Variants in RANBP3 observed in about 807,000 individuals in gnomAD.
RANBP3 encodes RAN binding protein 3.
Under a neutral mutation model 77.3 loss-of-function variants are expected in RANBP3, and 14 were observed. The ratio of observed to expected loss-of-function variants is 0.18; its 90% confidence interval spans 0.12 to 0.28. The LOEUF is 0.28. RANBP3 is among the 10% of genes least tolerant of loss of function. The pLI is 1.00. For missense variants in RANBP3, 586 were observed against 752.3 expected (o/e 0.78, Z 2.59); for synonymous variants, 315 against 312.4 (o/e 1.01, Z -0.09).
chr19:5,938,520 G>A (rs187884882), intron 5 of RANBP3, among the ~76,000 whole-genome samples: 17 of 151,574 alleles, frequency 1.1e-4, no homozygotes, highest in Admixed American at 3.9e-4. Context: ...TGAAACCCTC[G>A]TCTCTACTAA....
chr19:5,930,818 C>T (rs946678710), intron 8 of RANBP3, among the ~76,000 whole-genome samples: 3 of 152,168 alleles, frequency 2.0e-5, no homozygotes, highest in East Asian at 1.9e-4. Flanking sequence ...ATCCACCTGC[C>T]GCGGCCTCCC....
At chr19:5,939,733 C>T (rs2058110466) in intron 5 of RANBP3, among the ~76,000 whole-genome samples, 1 of 144,914 alleles carries the variant, frequency 6.9e-6, no homozygotes, top group Non-Finnish European at 1.5e-5. Context: ...ACAGGGCATT[C>T]AGTCTTTCCC....
rs1025421121 is a variant in RANBP3 at position 5,952,145 on chromosome 19, G to C, written c.79-549C>G. ...ACAGTTCTTCTAGCACTTTCCATTTGTTCTGCTTACACCCAGGATCCAGAA... is the reference window on the plus strand; with the variant it reads ...ACAGTTCTTCTAGCACTTTCCATTTCTTCTGCTTACACCCAGGATCCAGAA... On this transcript the variant is annotated intron_variant, in intron 2 of 16. Transcript: ENST00000340578. This position sits in a 1 kb window ranked among gnomAD's most constrained non-coding sequence, Gnocchi z 4.1. Among the ~76,000 whole-genome samples, 4 of 152,148 alleles carry C rather than the reference G, an allele frequency of 2.6e-5. No individual in the cohort carries two copies. The highest frequency in any genetic ancestry group is 9.7e-5 in the African/African-American group (4 of 41,426).
intron 14 of RANBP3, 44 bp from the exon 15 acceptor site, chr19:5,918,682 C>T (rs1389527597): frequency 1.3e-6 from 2 of 1,598,790 alleles, no homozygotes; most frequent in Non-Finnish European, 1.7e-6. Context: ...CACACCGGCC[C>T]CCTCACAAAC....
chr19:5,935,270 G>A (rs929272445), intron 5 of RANBP3, among the ~76,000 whole-genome samples: 2 of 152,200 alleles, frequency 1.3e-5, no homozygotes, highest in Non-Finnish European at 2.9e-5. Flanking sequence ...AGTTGTATGA[G>A]GGAGTCCAGC....
chr19:5,958,473 G>A lies in RANBP3; in HGVS notation c.23-500C>T, dbSNP rs1353136225. 6.6e-6 allele frequency among the ~76,000 whole-genome samples: 1 copy of A among 152,254 alleles called. No homozygotes were observed. The highest frequency in any genetic ancestry group is 1.5e-5 in the Non-Finnish European group (1 of 68,036). ...CAACCTGGATCTCTAAGTGAGTGCTGGTTGGGAGGAAAGGATGTCTGGAGT... is the reference window on the plus strand; with the variant it reads ...CAACCTGGATCTCTAAGTGAGTGCTAGTTGGGAGGAAAGGATGTCTGGAGT... On this transcript the variant is annotated intron_variant, in intron 1 of 16. Transcript: ENST00000340578. The surrounding 1 kb of genome is among the most constrained non-coding windows in gnomAD (Gnocchi z 4.4).
At chr19:5,939,496 G>A (rs899346332) in intron 5 of RANBP3, among the ~76,000 whole-genome samples, 1 of 152,254 alleles carries the variant, frequency 6.6e-6, no homozygotes, top group African/African-American at 2.4e-5. Context: ...GGAAGGCAGA[G>A]GGGCCGGGGC....
At chr19:5,966,522 C>T (rs887247410) in intron 1 of RANBP3, among the ~76,000 whole-genome samples, 9 of 152,226 alleles carry the variant, frequency 5.9e-5, no homozygotes, top group South Asian at 2.1e-4. Flanking sequence ...CTCTCGCCTC[C>T]GCCTCTCTCC....
At chr19:5,963,715 G>A (rs1482734122) in intron 1 of RANBP3, among the ~76,000 whole-genome samples, 2 of 152,172 alleles carry the variant, frequency 1.3e-5, no homozygotes, top group Admixed American at 6.5e-5. Context: ...GAGATTCTGA[G>A]CCCCTCTTCC....
At chr19:5,931,595 T>C (rs1030880366) in intron 7 of RANBP3, 64 bp from the exon 8 acceptor site, 2 of 1,545,996 alleles carry the variant, frequency 1.3e-6, no homozygotes, top group Non-Finnish European at 1.8e-6. Context: ...CCCACTCACA[T>C]AGCTGAGGGG....
At chr19:5,923,344 C>A (rs577600549) in intron 12 of RANBP3, 41 bp from the exon 13 acceptor site, 1 of 1,583,672 alleles carries the variant, frequency 6.3e-7, no homozygotes, top group East Asian at 2.2e-5. Context: ...GATTATTTGG[C>A]GAGAGGAGAG....
At chr19:5,933,372 G>A (rs1189863868) in intron 6 of RANBP3, 42 bp downstream of exon 6, 46 of 1,552,806 alleles carry the variant, frequency 3.0e-5, no homozygotes, top group Non-Finnish European at 3.8e-5. Context: ...TCTGAAAAAC[G>A]TCAGAGAGCC....
intron 1 of RANBP3, among the ~76,000 whole-genome samples, chr19:5,966,657 AG>A (rs1339082289): frequency 6.6e-6 from 1 of 152,248 alleles, no homozygotes; most frequent in Non-Finnish European, 1.5e-5. Context: ...CCTGTCATGG[AG>A]GATCTCCCGC....
At chr19:5,969,736 G>A (rs1400638805) in intron 1 of RANBP3, among the ~76,000 whole-genome samples, 1 of 152,236 alleles carries the variant, frequency 6.6e-6, no homozygotes, top group African/African-American at 2.4e-5. Context: ...CAGCCCCTGT[G>A]AAATGGTGCA....
rs528368186 is a variant in RANBP3, at chr19:5,959,769, G to A, written c.23-1796C>T. On this transcript the variant is annotated intron_variant, in intron 1 of 16. Transcript: ENST00000340578. The surrounding 1 kb of genome is among the most constrained non-coding windows in gnomAD (Gnocchi z 5.1). ...ACCAGGATCCTAGAGGTCTTCCGGT[G>A]CCACGCCTGTACCCCACAAGCCCAG... Among the ~76,000 whole-genome samples, 1 of 152,250 alleles carries A rather than the reference G, an allele frequency of 6.6e-6. No homozygotes were observed. The highest frequency in any genetic ancestry group is 2.1e-4 in the South Asian group (1 of 4,820).
chr19:5,978,133 T>G lies in RANBP3; in HGVS notation c.-51A>C, dbSNP rs116302592. ...GGCCCCGCGCCGGCCCAGGCTCGCCTGCTTTCTGCCAGAAACTCCCGCGCG... is the reference window on the plus strand; with the variant it reads ...GGCCCCGCGCCGGCCCAGGCTCGCCGGCTTTCTGCCAGAAACTCCCGCGCG... On this transcript the variant is annotated 5_prime_UTR_variant, in exon 1 of 17. Coordinates refer to ENST00000340578, the MANE Select transcript of RANBP3 (RefSeq NM_007322.3). 5.0e-6 allele frequency: 8 copies of G among 1,588,020 alleles called. No homozygotes were observed. Among genetic ancestry groups the G allele is most frequent in the Non-Finnish European group, 6.8e-6 (8 of 1,169,684 alleles).
At chr19:5,948,361 A>G (rs970457185) in intron 3 of RANBP3, among the ~76,000 whole-genome samples, 3 of 152,038 alleles carry the variant, frequency 2.0e-5, no homozygotes, top group Non-Finnish European at 4.4e-5. Context: ...CTGAGGCAGG[A>G]GAACGGCGTG....
rs994574501 is a variant in RANBP3, at chr19:5,951,444, CGGA to C, written c.228_230del (p.Pro79del). The C allele has an allele frequency of 5.0e-6, 8 of 1,595,550 alleles. No homozygotes were observed. The Admixed American group carries it at 1.0e-4, about 21-fold the overall frequency. On this transcript the variant is annotated inframe_deletion, in exon 3 of 17. Coordinates refer to ENST00000340578, the MANE Select transcript of RANBP3 (RefSeq NM_007322.3). ...GAAGCTGGGCTTCAGGAGCGGGAGG[CGGA>C]GGAGTGCTGGCTGAGGCGCCAGCAG...
intron 8 of RANBP3, among the ~76,000 whole-genome samples, chr19:5,928,686 G>T (rs1050174890): frequency 1.3e-5 from 2 of 152,118 alleles, no homozygotes; most frequent in Admixed American, 6.6e-5. Context: ...GGTTACCCGG[G>T]AACCTCTTAG....
Sources: allele counts gnomAD v4.1 joint callset (sites outside exome capture counted in the v4.1 genomes callset), GRCh38; gene constraint gnomAD v4.1.1; non-coding constraint Gnocchi (gnomAD v3.1); transcripts MANE v1.5; gene names NCBI Gene and HGNC (gene_info 2026-07-23, HGNC 2026-07-21).